The following RORA variants were observed in gnomAD, a reference collection of about 807,000 sequenced individuals.
The protein encoded by RORA is nuclear receptor ROR-alpha.
Under a neutral mutation model 69.5 loss-of-function variants are expected in RORA, and 7 were observed. That is an observed-to-expected ratio of 0.10 (90% CI 0.06 to 0.19). The LOEUF (loss-of-function observed/expected upper bound fraction) is 0.19. Ranked by LOEUF, RORA falls within the 10% of genes least tolerant of loss-of-function variation. The pLI is 1.00. For synonymous variants in RORA, 261 were observed against 240.8 expected (o/e 1.08, Z -0.78); for missense variants, 457 against 663.0 (o/e 0.69, Z 3.41).
intron 3 of RORA, among the ~76,000 whole-genome samples, chr15:60,523,408 A>G (rs2066242518): frequency 6.6e-6 from 1 of 152,250 alleles, no homozygotes; most frequent in Non-Finnish European, 1.5e-5. Flanking sequence ...TTTAAAATAA[A>G]GAATATTGTA....
intron 1 of RORA, among the ~76,000 whole-genome samples, chr15:60,840,201 T>C (rs979021956): frequency 6.6e-6 from 1 of 152,206 alleles, no homozygotes; most frequent in African/African-American, 2.4e-5. Flanking sequence ...TAGGTTTCCT[T>C]TGACAGCCTG....
At chr15:61,068,400 C>T (rs1205520246) in intron 1 of RORA, among the ~76,000 whole-genome samples, 1 of 152,196 alleles carries the variant, frequency 6.6e-6, no homozygotes, top group Non-Finnish European at 1.5e-5. Context: ...ATAGCCTCCA[C>T]CCATGAGAGT....
chr15:61,018,185 T>C (rs1004902342), intron 1 of RORA, among the ~76,000 whole-genome samples: 3 of 152,212 alleles, frequency 2.0e-5, no homozygotes, highest in African/African-American at 7.2e-5. Flanking sequence ...TAATTGTCCA[T>C]AATCCAGGCT....
At chr15:60,986,659 C>T (rs1294807867) in intron 1 of RORA, among the ~76,000 whole-genome samples, 1 of 152,148 alleles carries the variant, frequency 6.6e-6, no homozygotes. Context: ...GACACACAGA[C>T]CCTGAGTTTT....
intron 2 of RORA, among the ~76,000 whole-genome samples, chr15:60,631,168 C>T (rs1416393370): frequency 1.1e-4 from 16 of 152,280 alleles, no homozygotes; most frequent in Non-Finnish European, 1.5e-4. Context: ...GGATTACAGG[C>T]GTGAGCCATT....
intron 1 of RORA, among the ~76,000 whole-genome samples, chr15:61,210,242 C>T (rs954820719): frequency 1.3e-4 from 20 of 152,230 alleles, no homozygotes; most frequent in African/African-American, 3.6e-4. Flanking sequence ...CTTAAGAAGA[C>T]TCCAAACTGC....
rs2065699757 is a variant in RORA at position 60,511,572 on chromosome 15, T to C, written c.474A>G (p.Ala158=). 4 of 1,613,372 alleles carry C rather than the reference T, an allele frequency of 2.5e-6. No homozygotes were observed. The highest frequency in any genetic ancestry group is 3.4e-6 in the Non-Finnish European group (4 of 1,179,718). ...GCTGCATCCGGTGTTTCTGTACTTCTGCATACAAGCTGTCTCTCTGCTTTT... is the reference window on the plus strand; with the variant it reads ...GCTGCATCCGGTGTTTCTGTACTTCCGCATACAAGCTGTCTCTCTGCTTTT... The part of the protein sequence containing the change: ...MSKKQRDSLY[A]EVQKHRMQQQ... The change falls in exon 5 of 11, where the codon GCA becomes GCG. Residue 158 remains alanine (A), a synonymous_variant. Transcript: ENST00000335670. The surrounding 1 kb of genome is among the most constrained non-coding windows in gnomAD (Gnocchi z 6.4).
intron 2 of RORA, among the ~76,000 whole-genome samples, chr15:60,551,697 T>G (rs542724582): frequency 5.3e-5 from 8 of 152,344 alleles, no homozygotes; most frequent in African/African-American, 1.7e-4. Context: ...AAGAGCTACA[T>G]GGAACCTTTT....
At position 60,682,136 on chromosome 15, in the gene RORA, T is replaced by C. The variant is rs900338934; in HGVS notation, c.167-3450A>G. On this transcript the variant is annotated intron_variant, in intron 1 of 10. Transcript: ENST00000335670. The stretch of plus-strand genomic sequence containing the variant: ...TTTTTAAAATTGTATACAATCATGA[T>C]GACACTTAAAAGACTGTTGTGAAAA... 5 of 152,234 alleles carry C rather than the reference T, an allele frequency of 3.3e-5. No homozygotes were observed. The South Asian group carries it at 6.2e-4, about 19-fold the overall frequency. 9.4% of individuals were successfully genotyped at this position (152,234 alleles called of 1,614,324 possible). A position where few individuals can be genotyped will look rare whatever the true frequency, so the allele number is the denominator to read the frequency against.
chr15:60,832,470 A>G (rs1010544010), intron 1 of RORA, among the ~76,000 whole-genome samples: 11 of 152,320 alleles, frequency 7.2e-5, no homozygotes, highest in South Asian at 6.2e-4. Context: ...GCAGACCCCA[A>G]GAAAGACAGG....
chr15:61,217,571 C>A (rs77409877), intron 1 of RORA, among the ~76,000 whole-genome samples: 628 of 152,138 alleles, frequency 4.1e-3, no homozygotes, highest in African/African-American at 0.015. Flanking sequence ...CTGAGGTGAC[C>A]CAGGTATTTC....
chr15:60,742,126 T>G (rs966521840), intron 1 of RORA, among the ~76,000 whole-genome samples: 1 of 152,200 alleles, frequency 6.6e-6, no homozygotes, highest in Non-Finnish European at 1.5e-5. Flanking sequence ...TAGATAGATA[T>G]ATATGTGTAT....
chr15:60,911,855 C>T (rs1365506150), intron 1 of RORA, among the ~76,000 whole-genome samples: 1 of 90,850 alleles, frequency 1.1e-5, no homozygotes, highest in African/African-American at 3.8e-5. Flanking sequence ...GTGCACCTGG[C>T]TAAGTTTTTT....
At chr15:60,918,101 C>T (rs991931633) in intron 1 of RORA, among the ~76,000 whole-genome samples, 1 of 152,336 alleles carries the variant, frequency 6.6e-6, no homozygotes, top group South Asian at 2.1e-4. Context: ...TGGCATCACT[C>T]CCATTTTACA....
At chr15:60,842,158 C>A (rs1384025269) in intron 1 of RORA, among the ~76,000 whole-genome samples, 2 of 152,102 alleles carry the variant, frequency 1.3e-5, no homozygotes, top group Non-Finnish European at 2.9e-5. Flanking sequence ...CCTTCTCTAC[C>A]ACCCCAGGGC....
intron 1 of RORA, among the ~76,000 whole-genome samples, chr15:61,002,319 A>G (rs1595871244): frequency 1.3e-5 from 2 of 152,208 alleles, no homozygotes; most frequent in East Asian, 3.9e-4. Context: ...CAATAAAGCT[A>G]CCTCTGAGTA....
intron 1 of RORA, among the ~76,000 whole-genome samples, chr15:60,737,298 A>G (rs909212988): frequency 5.9e-5 from 9 of 152,356 alleles, no homozygotes; most frequent in Non-Finnish European, 7.3e-5. Flanking sequence ...AGGAAGTTCT[A>G]TAACTTCAGG....
At chr15:61,008,589 T>C (rs1894993958) in intron 1 of RORA, among the ~76,000 whole-genome samples, 1 of 152,112 alleles carries the variant, frequency 6.6e-6, no homozygotes, top group African/African-American at 2.4e-5. Flanking sequence ...GACTTATAAC[T>C]ACAATCAGGT....
intron 1 of RORA, among the ~76,000 whole-genome samples, chr15:60,934,934 G>A (rs1002951941): frequency 1.3e-5 from 2 of 152,200 alleles, no homozygotes; most frequent in Admixed American, 6.5e-5. Context: ...CCACAGCCAA[G>A]CTTATGTTGT....
Sources: allele counts gnomAD v4.1 joint callset (sites outside exome capture counted in the v4.1 genomes callset), GRCh38; gene constraint gnomAD v4.1.1; non-coding constraint Gnocchi (gnomAD v3.1); transcripts MANE v1.5; gene names NCBI Gene and HGNC (gene_info 2026-07-23, HGNC 2026-07-21).